Variants in XPO4 observed in about 807,000 individuals in gnomAD.
XPO4 encodes exportin 4, also known as exportin-4.
In XPO4, 39 loss-of-function variants were observed where a neutral mutation model predicts 143.0. The observed-to-expected ratio is 0.27, with a 90% CI of 0.21 to 0.36. XPO4 has a LOEUF of 0.36. Among genes scored for constraint, XPO4 ranks in the 10% least tolerant of loss-of-function variants. The pLI is 1.00. For synonymous variants in XPO4, 439 were observed against 474.0 expected (o/e 0.93, Z 0.96); for missense variants, 907 against 1,348.0 (o/e 0.67, Z 5.12).
At chr13:20,872,781 CAG>C (rs1051068186) in intron 1 of XPO4, among the ~76,000 whole-genome samples, 7 of 150,684 alleles carry the variant, frequency 4.6e-5, no homozygotes, top group African/African-American at 1.7e-4. Flanking sequence ...TAACTCTTAA[CAG>C]AAACTACACT....
At chr13:20,855,476 A>AAT in intron 4 of XPO4, 151 bp downstream of exon 4, 2 of 811,210 alleles carry the variant, frequency 2.5e-6, no homozygotes, top group Non-Finnish European at 3.4e-6. Context: ...AAAAAAAAAA[A>AAT]GACTAGAAGA....
At chr13:20,871,588 T>C (rs2060299236) in intron 1 of XPO4, among the ~76,000 whole-genome samples, 1 of 152,202 alleles carries the variant, frequency 6.6e-6, no homozygotes, top group African/African-American at 2.4e-5. Flanking sequence ...TGACTCTCTG[T>C]ATGGCATAGA....
At chr13:20,840,006 T>C (rs1455120035) in intron 6 of XPO4, among the ~76,000 whole-genome samples, 1 of 151,378 alleles carries the variant, frequency 6.6e-6, no homozygotes, top group African/African-American at 2.4e-5. Flanking sequence ...TAAATAAAAA[T>C]AAAATTATCT....
intron 1 of XPO4, among the ~76,000 whole-genome samples, chr13:20,876,264 G>GAAAAAAAAAA (rs35708026): frequency 2.4e-5 from 2 of 81,914 alleles, no homozygotes; most frequent in African/African-American, 4.7e-5. Context: ...CTCCATCTCG[G>GAAAAAAAAAA]AAAAAAAAAA....
intron 13 of XPO4, among the ~76,000 whole-genome samples, chr13:20,802,061 A>T (rs1042768730): frequency 1.1e-4 from 16 of 151,516 alleles, no homozygotes; most frequent in African/African-American, 3.9e-4. Flanking sequence ...ATCTCTTCTA[A>T]TTTTTTTTCT....
intron 1 of XPO4, among the ~76,000 whole-genome samples, chr13:20,882,923 A>C (rs2060426510): frequency 6.6e-6 from 1 of 151,750 alleles, no homozygotes; most frequent in Non-Finnish European, 1.5e-5. Context: ...AAGAGAATAA[A>C]GGGACCATCC....
chr13:20,795,864 T>C (rs1200026834), intron 18 of XPO4, among the ~76,000 whole-genome samples: 1 of 152,196 alleles, frequency 6.6e-6, no homozygotes, highest in Non-Finnish European at 1.5e-5. Context: ...AAGATCTCAA[T>C]GAATGAGAGA....
intron 1 of XPO4, among the ~76,000 whole-genome samples, chr13:20,885,939 A>G: frequency 6.6e-6 from 1 of 152,370 alleles, no homozygotes; most frequent in East Asian, 1.9e-4. Context: ...TAATTATAAA[A>G]GGTTTAACTA....
At chr13:20,843,956 C>A in intron 4 of XPO4, 70 bp from the exon 5 acceptor site, 2 of 1,129,894 alleles carry the variant, frequency 1.8e-6, no homozygotes, top group South Asian at 1.3e-5. Flanking sequence ...TGCATTTGTT[C>A]AAACATAATA....
intron 6 of XPO4, among the ~76,000 whole-genome samples, chr13:20,829,723 C>G (rs895785596): frequency 2.0e-5 from 3 of 152,150 alleles, no homozygotes; most frequent in Non-Finnish European, 4.4e-5. Context: ...TGAGGAGAGT[C>G]TCTCACATTC....
At chr13:20,823,877 C>T (rs2137970133) in intron 7 of XPO4, among the ~76,000 whole-genome samples, 1 of 152,316 alleles carries the variant, frequency 6.6e-6, no homozygotes, top group East Asian at 1.9e-4. Flanking sequence ...GTCTCAAACT[C>T]CTGACCTCAG....
At chr13:20,814,999 TGAAAA>T (rs1380662369) in intron 9 of XPO4, among the ~76,000 whole-genome samples, 6 of 152,234 alleles carry the variant, frequency 3.9e-5, no homozygotes, top group African/African-American at 7.2e-5. Context: ...AATGAAGCTT[TGAAAA>T]GAAAACTTTC....
In XPO4 at chr13:20,872,407, C is replaced by T. The variant is rs377064149; in HGVS notation, c.70-3706G>A. Among the ~76,000 whole-genome samples the T allele has an allele frequency of 1.2e-4, 19 of 152,284 alleles. 1 individual carries two copies. In the East Asian group the frequency reaches 2.7e-3, roughly 22 times the overall value. On this transcript the variant is annotated intron_variant, in intron 1 of 22. Transcript: ENST00000255305. ...GACTACAAACCTTTATTTGCTGCCC[C>T]CTACCCTTCCTTTTATTATTTCTCT... is the stretch of plus-strand genomic sequence containing the variant.
At chr13:20,822,312 C>T (rs2059730592) in intron 7 of XPO4, 23 bp from the exon 8 acceptor site, 8 of 1,594,352 alleles carry the variant, frequency 5.0e-6, no homozygotes, top group Non-Finnish European at 6.8e-6. Flanking sequence ...ATTACTAATC[C>T]ATAAATATAA....
At chr13:20,818,467 T>C (rs1481696667) in intron 9 of XPO4, among the ~76,000 whole-genome samples, 2 of 152,152 alleles carry the variant, frequency 1.3e-5, no homozygotes, top group South Asian at 2.1e-4. Context: ...AAGACATGAA[T>C]TGCTATTAAA....
At position 20,787,329 on chromosome 13, in the gene XPO4, GCTGAT is replaced by G. The variant is rs77274464; in HGVS notation, c.3165+147_3165+151del. 2.8e-3 allele frequency: 2,051 copies of G among 734,912 alleles called. 11 individuals carry two copies. The highest frequency in any genetic ancestry group is 9.6e-3 in the South Asian group (538 of 56,062). The allele number at this position is 734,912 out of a possible 1,614,324, so 45.5% of individuals were successfully genotyped here. On this transcript the variant is annotated intron_variant, in intron 21 of 22. Coordinates refer to ENST00000255305, the MANE Select transcript of XPO4 (RefSeq NM_022459.5). ...GAGGATGAGAATGTGTCCATGAAGAGCTGATCTCCAGAAAAAAACAGTGAACAGGA... is the reference window on the plus strand; with the variant it reads ...GAGGATGAGAATGTGTCCATGAAGAGCTCCAGAAAAAAACAGTGAACAGGA...
At chr13:20,801,067 TC>T in intron 13 of XPO4, 77 bp from the exon 14 acceptor site, 7 of 1,533,062 alleles carry the variant, frequency 4.6e-6, no homozygotes, top group Non-Finnish European at 6.1e-6. Flanking sequence ...TCCTTAAAAG[TC>T]CTTTTTTGTC....
In XPO4 at chr13:20,800,096, GAA is replaced by G. The variant is rs1279694796; in HGVS notation, c.2147+58_2147+59del. The G allele has an allele frequency of 3.2e-6, 5 of 1,580,570 alleles. No homozygotes were observed. In the Admixed American group the frequency reaches 8.7e-5, roughly 28 times the overall value. ...AGTTCAAAGGACTACACTAAGAAGT[GAA>G]AAAGAGTTTCTCACCCACACACATA... is the stretch of plus-strand genomic sequence containing the variant. On this transcript the variant is annotated intron_variant, in intron 15 of 22. Transcript: ENST00000255305.
At chr13:20,790,109 C>T (rs1425643975) in intron 19 of XPO4, among the ~76,000 whole-genome samples, 1 of 152,180 alleles carries the variant, frequency 6.6e-6, no homozygotes, top group African/African-American at 2.4e-5. Flanking sequence ...GAGGAAAACA[C>T]TGAAACTTTT....
Sources: allele counts gnomAD v4.1 joint callset (sites outside exome capture counted in the v4.1 genomes callset), GRCh38; gene constraint gnomAD v4.1.1; transcripts MANE v1.5; gene names NCBI Gene and HGNC (gene_info 2026-07-23, HGNC 2026-07-21).